The following DGKD variants were observed in gnomAD, a reference collection of about 807,000 sequenced individuals.
DGKD encodes DAG kinase delta.
DGKD carries 68 observed loss-of-function variants against 154.4 expected under a neutral mutation model. That is an observed-to-expected ratio of 0.44 (90% confidence interval 0.36 to 0.54). DGKD has a LOEUF of 0.54. DGKD is among the 20% of genes least tolerant of loss of function. The pLI is 0.00. For missense variants in DGKD, 1,343 were observed against 1,593.6 expected, an observed-to-expected ratio of 0.84 and a Z score of 2.68; for synonymous variants, 693 against 638.0, an observed-to-expected ratio of 1.09 and a Z score of -1.30.
chr2:233,356,478 T>TA (rs1486775465), intron 1 of DGKD, among the ~76,000 whole-genome samples: 1 of 152,196 alleles, frequency 6.6e-6, no homozygotes, highest in Non-Finnish European at 1.5e-5. Flanking sequence ...CCAGGCAAGG[T>TA]ACTGACCAGT....
chr2:233,432,888 A>G (rs899903727), intron 3 of DGKD, among the ~76,000 whole-genome samples: 6 of 152,234 alleles, frequency 3.9e-5, no homozygotes, highest in Non-Finnish European at 7.3e-5. Flanking sequence ...AAAAATTACA[A>G]TGAGATAATG....
intron 3 of DGKD, among the ~76,000 whole-genome samples, chr2:233,432,430 T>G (rs542228663): frequency 1.3e-5 from 2 of 150,758 alleles, no homozygotes; most frequent in Admixed American, 6.6e-5. Flanking sequence ...AAGGCCAAGG[T>G]GGGCAGATCA....
intron 3 of DGKD, among the ~76,000 whole-genome samples, chr2:233,400,028 C>G (rs1346205204): frequency 6.6e-6 from 1 of 152,190 alleles, no homozygotes. Context: ...GCGCTGTACA[C>G]AGTGACATGA....
In DGKD at chr2:233,458,449, C is replaced by T. The variant is rs747890911; in HGVS notation, c.2694+52C>T. 6.9e-7 allele frequency: 1 copy of T among 1,448,850 alleles called. No homozygotes were observed. 89.7% of individuals were successfully genotyped at this position (1,448,850 alleles called of 1,614,324 possible). Reference sequence around the variant, plus strand: ...GGCCGAGTCCCCAGCCCGGAGTGTGCTAAATTCTGGGGCAGTGCATGGAGC... The same window carrying T: ...GGCCGAGTCCCCAGCCCGGAGTGTGTTAAATTCTGGGGCAGTGCATGGAGC... On this transcript the variant is annotated intron_variant, in intron 22 of 29. Coordinates refer to ENST00000264057, the MANE Select transcript of DGKD (RefSeq NM_152879.3). The surrounding 1 kb of genome is among the most constrained non-coding windows in gnomAD (Gnocchi z 6.6).
chr2:233,435,944 C>T lies in DGKD; in HGVS notation c.693+20C>T. ...GATGGGGTATGTTAAGAAATACCAC[C>T]TGTGGGGCCCTGAGCCAGGGTCCCC... On this transcript the variant is annotated intron_variant, in intron 6 of 29. Transcript: ENST00000264057. 2.5e-6 allele frequency: 4 copies of T among 1,582,316 alleles called. No homozygotes were observed. The highest frequency in any genetic ancestry group is 3.4e-6 in the Non-Finnish European group (4 of 1,162,208).
Position 233,357,020 on chromosome 2 carries a change from G to T in DGKD, c.156+2346G>T, listed in dbSNP as rs988888270. Among the ~76,000 whole-genome samples the T allele has an allele frequency of 5.3e-5, 8 of 151,876 alleles. No individual in the cohort carries two copies. The Admixed American group carries it at 5.3e-4, about 10-fold the overall frequency. On this transcript the variant is annotated intron_variant, in intron 1 of 29. Coordinates refer to ENST00000264057, the MANE Select transcript of DGKD (RefSeq NM_152879.3). ...GATGTGAGAACTGAGAATGCAGGCT[G>T]CAATGAGGCAAGCCGGAGATGAGGC...
chr2:233,415,029 A>C (rs767143501), intron 3 of DGKD, among the ~76,000 whole-genome samples: 9 of 152,168 alleles, frequency 5.9e-5, no homozygotes, highest in Non-Finnish European at 1.0e-4. Context: ...GAGTTCAAGC[A>C]ATCCTCTTGC....
In DGKD at chr2:233,449,014, G is replaced by T; in HGVS notation, c.1615-89G>T. The T allele has an allele frequency of 6.8e-7, 1 of 1,460,044 alleles. No individual in the cohort carries two copies. Among genetic ancestry groups the T allele is most frequent in the South Asian group, 1.4e-5 (1 of 73,606 alleles). 90.4% of individuals were successfully genotyped at this position (1,460,044 alleles called of 1,614,324 possible). On this transcript the variant is annotated intron_variant, in intron 14 of 29. Transcript: ENST00000264057. The surrounding 1 kb of genome is among the most constrained non-coding windows in gnomAD (Gnocchi z 5.3). ...GATTTTCCTTTTGATCGAGTTCTAG[G>T]AAGTCTGGGTGAAATGGCCTGAGGT...
chr2:233,457,902 T>G lies in DGKD; in HGVS notation c.2581-382T>G. ...ATAGGTTTAAACCTGGTTTAAACCT[T>G]CCTTTGTACGTAATAGCGAATAGAA... On this transcript the variant is annotated intron_variant, in intron 21 of 29. Coordinates refer to ENST00000264057, the MANE Select transcript of DGKD (RefSeq NM_152879.3). The surrounding 1 kb of genome is among the most constrained non-coding windows in gnomAD (Gnocchi z 5.5). 3.2e-6 allele frequency: 1 copy of G among 315,410 alleles called. No homozygotes were observed. Among genetic ancestry groups the G allele is most frequent in the South Asian group, 3.1e-5 (1 of 31,982 alleles). 19.5% of individuals were successfully genotyped at this position (315,410 alleles called of 1,614,324 possible).
intron 24 of DGKD, among the ~76,000 whole-genome samples, chr2:233,461,608 C>T (rs755468896): frequency 2.6e-5 from 4 of 152,266 alleles, no homozygotes; most frequent in Non-Finnish European, 4.4e-5. Context: ...CCTTGCCGTG[C>T]AGTGGGCTTC....
At chr2:233,432,643 AG>A (rs1311811241) in intron 3 of DGKD, among the ~76,000 whole-genome samples, 16 of 152,252 alleles carry the variant, frequency 1.1e-4, no homozygotes, top group Non-Finnish European at 1.9e-4. Context: ...TGGGGGACAG[AG>A]TGAGGCTCCG....
intron 5 of DGKD, among the ~76,000 whole-genome samples, 180 bp downstream of exon 5, chr2:233,435,081 T>TA (rs1457787161): frequency 6.6e-6 from 1 of 152,234 alleles, no homozygotes; most frequent in Non-Finnish European, 1.5e-5. Flanking sequence ...GAGTCCTTGA[T>TA]AAATCATTTT....
At position 233,436,402 on chromosome 2, in the gene DGKD, GCGCCTGCAGGACTGGCGCTGCCT is replaced by G; in HGVS notation, c.782_804del (p.Arg261LeufsTer11). ...GCGACAAGACCTGTGGCAGTGTGCT[GCGCCTGCAGGACTGGCGCTGCCT>G]CTGGTGCAAGGCCATGGTGAGTGTG... On this transcript the variant is annotated frameshift_variant, in exon 7 of 30. Transcript: ENST00000264057. LOFTEE classifies it high-confidence loss of function. 1 of 1,614,050 alleles carries G rather than the reference GCGCCTGCAGGACTGGCGCTGCCT, an allele frequency of 6.2e-7. No individual in the cohort carries two copies. Among genetic ancestry groups the G allele is most frequent in the Non-Finnish European group, 8.5e-7 (1 of 1,180,034 alleles).
intron 3 of DGKD, chr2:233,419,300 A>G (rs2062043209): frequency 4.1e-6 from 4 of 985,358 alleles, no homozygotes; most frequent in South Asian, 4.7e-5. Context: ...TTCCTGCTCT[A>G]CTTCGTAATC....
chr2:233,421,743 A>C (rs1401861099), intron 3 of DGKD, among the ~76,000 whole-genome samples: 1 of 152,022 alleles, frequency 6.6e-6, no homozygotes. Context: ...CCGTTTTTCC[A>C]TAGGGCTTGT....
intron 1 of DGKD, among the ~76,000 whole-genome samples, chr2:233,358,334 A>G (rs1029521898): frequency 1.3e-5 from 2 of 152,266 alleles, no homozygotes; most frequent in African/African-American, 4.8e-5. Flanking sequence ...GGATATGAGC[A>G]TGAAAGTGCT....
intron 1 of DGKD, among the ~76,000 whole-genome samples, chr2:233,364,486 C>T (rs1701931495): frequency 6.6e-6 from 1 of 152,078 alleles, no homozygotes; most frequent in South Asian, 2.1e-4. Flanking sequence ...CAACAATGTC[C>T]TGTAGGTTAG....
chr2:233,398,720 G>T (rs2061484805), intron 3 of DGKD, among the ~76,000 whole-genome samples: 1 of 152,212 alleles, frequency 6.6e-6, no homozygotes, highest in Non-Finnish European at 1.5e-5. Context: ...CACCTTCTGG[G>T]TTCAAGTGAT....
In DGKD at chr2:233,459,993, A is replaced by AT. The variant is rs201299808; in HGVS notation, c.2829+116dup. On this transcript the variant is annotated intron_variant, in intron 23 of 29. Coordinates refer to ENST00000264057, the MANE Select transcript of DGKD (RefSeq NM_152879.3). This position sits in a 1 kb window ranked among gnomAD's most constrained non-coding sequence, Gnocchi z 5.7. Reference sequence around the variant, plus strand: ...GGAGCTTTTTGTGTTTTGTTCTAGGATTTTTTTTTTTTTTAAGACACAATG... The same window carrying AT: ...GGAGCTTTTTGTGTTTTGTTCTAGGATTTTTTTTTTTTTTTAAGACACAATG... 0.028 allele frequency: 33,200 copies of AT among 1,166,020 alleles called. No homozygotes were observed. Among genetic ancestry groups the AT allele is most frequent in the South Asian group, 0.041 (2,235 of 54,912 alleles). 72.2% of individuals were successfully genotyped at this position (1,166,020 alleles called of 1,614,324 possible).
Sources: allele counts gnomAD v4.1 joint callset (sites outside exome capture counted in the v4.1 genomes callset), GRCh38; gene constraint gnomAD v4.1.1; non-coding constraint Gnocchi (gnomAD v3.1); transcripts MANE v1.5; gene names NCBI Gene and HGNC (gene_info 2026-07-23, HGNC 2026-07-21).